NPAS3: variants seen among roughly 807,000 people sequenced by gnomAD.
NPAS3 encodes neuronal PAS domain-containing protein 3.
In NPAS3, 14 loss-of-function variants were observed where a neutral mutation model predicts 73.1. The ratio of observed to expected loss-of-function variants is 0.19; its 90% CI spans 0.13 to 0.30. NPAS3 has a LOEUF of 0.30. NPAS3 is among the 10% of genes least tolerant of loss of function. NPAS3 has a pLI of 1.00. For missense variants in NPAS3, 1,096 were observed against 1,250.0 expected, an observed-to-expected ratio of 0.88 and a Z score of 1.86; for synonymous variants, 620 against 541.5, an observed-to-expected ratio of 1.14 and a Z score of -2.01.
At chr14:33,665,440 G>A (rs2140292791) in intron 5 of NPAS3, among the ~76,000 whole-genome samples, 1 of 152,162 alleles carries the variant, frequency 6.6e-6, no homozygotes, top group South Asian at 2.1e-4. Context: ...AACTTAAAGT[G>A]TGATTAAAAA....
intron 4 of NPAS3, among the ~76,000 whole-genome samples, chr14:33,456,497 CCTTT>C (rs1345941912): frequency 9.9e-5 from 15 of 152,070 alleles, no homozygotes; most frequent in African/African-American, 3.6e-4. Flanking sequence ...TTTCATTTAC[CCTTT>C]CTTTGGGCAC....
intron 4 of NPAS3, among the ~76,000 whole-genome samples, chr14:33,403,303 A>C (rs372732531): frequency 2.0e-5 from 3 of 152,130 alleles, no homozygotes; most frequent in Non-Finnish European, 4.4e-5. Context: ...AAAAAAAAGC[A>C]TAAGAAATGT....
chr14:33,097,624 C>T (rs1421751537), intron 2 of NPAS3, among the ~76,000 whole-genome samples: 1 of 152,158 alleles, frequency 6.6e-6, no homozygotes, highest in Admixed American at 6.5e-5. Context: ...AGTGGTTGTA[C>T]CAATCAGCAA....
intron 2 of NPAS3, among the ~76,000 whole-genome samples, chr14:33,190,566 T>C (rs2046133797): frequency 1.3e-5 from 2 of 152,250 alleles, no homozygotes; most frequent in Admixed American, 1.3e-4. Context: ...GCCATTCTGT[T>C]AACAAGTGAG....
chr14:33,643,477 G>A (rs1330229995), intron 5 of NPAS3, among the ~76,000 whole-genome samples: 2 of 151,506 alleles, frequency 1.3e-5, no homozygotes, highest in Non-Finnish European at 1.5e-5. Flanking sequence ...GAAGTTATTC[G>A]GATGTGTCAA....
At chr14:33,739,034 T>A (rs145637119) in intron 7 of NPAS3, among the ~76,000 whole-genome samples, 2,165 of 152,320 alleles carry the variant, frequency 0.014, 26 homozygotes, top group Non-Finnish European at 0.023. Context: ...CCAGCTCCAC[T>A]GTCATTTCCG....
chr14:33,095,675 T>TA, intron 2 of NPAS3, among the ~76,000 whole-genome samples: 1 of 138,486 alleles, frequency 7.2e-6, no homozygotes, highest in East Asian at 2.0e-4. Context: ...TTTTTATTTT[T>TA]TTTTTTTTTT....
chr14:33,127,411 T>C (rs2043466946), intron 2 of NPAS3, among the ~76,000 whole-genome samples: 1 of 152,180 alleles, frequency 6.6e-6, no homozygotes, highest in Admixed American at 6.5e-5. Context: ...AATCTTTTGA[T>C]GTGGTAAATT....
intron 2 of NPAS3, among the ~76,000 whole-genome samples, chr14:33,192,636 G>A (rs1297908679): frequency 2.0e-5 from 3 of 152,102 alleles, no homozygotes; most frequent in African/African-American, 4.8e-5. Flanking sequence ...ACCTTCATAC[G>A]GGGGGAAACA....
At chr14:33,072,067 T>C (rs887574557) in intron 2 of NPAS3, among the ~76,000 whole-genome samples, 1 of 152,116 alleles carries the variant, frequency 6.6e-6, no homozygotes, top group African/African-American at 2.4e-5. Flanking sequence ...ATTTTTGTAC[T>C]TTTAGTAGAG....
At chr14:33,766,042 T>G (rs921566099) in intron 7 of NPAS3, among the ~76,000 whole-genome samples, 1 of 152,220 alleles carries the variant, frequency 6.6e-6, no homozygotes, top group Admixed American at 6.5e-5. Context: ...TGTTGTAAGC[T>G]TTCCAATTAA....
chr14:33,068,880 G>T (rs541352629), intron 2 of NPAS3, among the ~76,000 whole-genome samples: 1 of 152,222 alleles, frequency 6.6e-6, no homozygotes, highest in Non-Finnish European at 1.5e-5. Context: ...AGTGTGGTGG[G>T]GGCTGAATGA....
intron 1 of NPAS3, among the ~76,000 whole-genome samples, chr14:32,972,689 G>A (rs2037486619): frequency 6.6e-6 from 1 of 152,122 alleles, no homozygotes. Flanking sequence ...CTGTAGGAGG[G>A]GGGAAAAGAG....
intron 4 of NPAS3, among the ~76,000 whole-genome samples, chr14:33,522,035 A>G (rs749343321): frequency 4.6e-5 from 7 of 152,084 alleles, no homozygotes; most frequent in Non-Finnish European, 8.8e-5. Flanking sequence ...GGTTTATTTA[A>G]TATGTGTCTC....
rs1173989217 is a variant in NPAS3, at chr14:33,037,487, AAAAAAAAGAAAAAAG to A, written c.51-18403_51-18389del. Among the ~76,000 whole-genome samples the A allele has an allele frequency of 9.3e-5, 14 of 151,228 alleles. No homozygotes were observed. In the East Asian group the frequency reaches 1.2e-3, roughly 13 times the overall value. On this transcript the variant is annotated intron_variant, in intron 1 of 11. Transcript: ENST00000356141. The stretch of plus-strand genomic sequence containing the variant: ...TAGTGAGACCCCATCTCAGCAAAAA[AAAAAAAAGAAAAAAG>A]AAAAAAAGAAAAAATTAGGTTGGTG...
At chr14:33,054,398 A>G (rs1566509151) in intron 1 of NPAS3, among the ~76,000 whole-genome samples, 1 of 152,192 alleles carries the variant, frequency 6.6e-6, no homozygotes, top group Non-Finnish European at 1.5e-5. Flanking sequence ...AGATTTGAGT[A>G]TACATATACT....
intron 2 of NPAS3, among the ~76,000 whole-genome samples, chr14:33,093,007 G>A (rs748196507): frequency 2.3e-4 from 35 of 152,090 alleles, no homozygotes; most frequent in African/African-American, 3.4e-4. Context: ...ACCTAAAACC[G>A]TAGAAACCCT....
intron 2 of NPAS3, among the ~76,000 whole-genome samples, chr14:33,195,427 C>T (rs529737687): frequency 2.0e-5 from 3 of 152,138 alleles, no homozygotes; most frequent in East Asian, 3.9e-4. Flanking sequence ...TGCACCACCA[C>T]GCCCGGCCAA....
intron 1 of NPAS3, among the ~76,000 whole-genome samples, chr14:32,940,010 G>A (rs1274414115): frequency 6.6e-6 from 1 of 152,196 alleles, no homozygotes; most frequent in Non-Finnish European, 1.5e-5. Flanking sequence ...CAACTTGTGG[G>A]TCTCCCGCTC....
Sources: gnomAD v4.1 joint callset for allele counts (sites outside exome capture counted in the v4.1 genomes callset) on GRCh38, gnomAD v4.1.1 for gene constraint, MANE v1.5 for transcripts, NCBI Gene and HGNC (gene_info 2026-07-23, HGNC 2026-07-21) for gene names.